The following CFAP251 variants were observed in gnomAD, a reference collection of about 807,000 sequenced individuals.
The protein encoded by CFAP251 is cilia and flagella associated protein 251.
A neutral mutation model predicts 126.7 loss-of-function variants in CFAP251; 93 were observed. The ratio of observed to expected loss-of-function variants is 0.73; its 90% confidence interval spans 0.62 to 0.87. The LOEUF (loss-of-function observed/expected upper bound fraction) is 0.87, where lower values mean the gene tolerates loss of function less well. Among genes scored for constraint, CFAP251 ranks in the 40% least tolerant of loss-of-function variants. The probability of loss-of-function intolerance (pLI) is 0.00; values close to 1 mark genes in which losing one functional copy is unlikely to be tolerated. For synonymous variants in CFAP251, 503 were observed against 506.9 expected (o/e 0.99, Z 0.10); for missense variants, 1,287 against 1,389.2 (o/e 0.93, Z 1.17).
Position 121,974,385 on chromosome 12 carries a change from T to C in CFAP251, c.2772-859T>C, listed in dbSNP as rs1882406707. On this transcript the variant is annotated intron_variant, in intron 17 of 21. Transcript: ENST00000288912. The surrounding 1 kb of genome is among the most constrained non-coding windows in gnomAD (Gnocchi z 4.6). ...CGTGTCTGCGTTTATTTATTAATTC[T>C]TACAACAATGCTGTGAGGCAGAATC... 6.6e-6 allele frequency among the ~76,000 whole-genome samples: 1 copy of C among 152,232 alleles called. No individual in the cohort carries two copies. Among genetic ancestry groups the C allele is most frequent in the South Asian group, 2.1e-4 (1 of 4,828 alleles).
rs1486137401 is a variant in CFAP251 at position 121,967,010 on chromosome 12, C to G, written c.2548C>G (p.Pro850Ala). 2 of 1,614,078 alleles carry G rather than the reference C, an allele frequency of 1.2e-6. No homozygotes were observed. The highest frequency in any genetic ancestry group is 1.7e-6 in the Non-Finnish European group (2 of 1,180,042). ...CCCTATTGAGCAGACACAAGTCCTCCCAGTGAGAAGCATGGCGGAGCTACA... is the reference window on the plus strand; with the variant it reads ...CCCTATTGAGCAGACACAAGTCCTCGCAGTGAGAAGCATGGCGGAGCTACA... The part of the protein sequence containing the change: ...GSPIEQTQVL[P>A]VRSMAELQKR... The change falls in exon 16 of 22, where the codon CCA becomes GCA. Residue 850 changes from proline (P) to alanine (A), a missense_variant. Pro to Ala is a conservative substitution (Grantham distance 27). Transcript: ENST00000288912.
intron 7 of CFAP251, chr12:121,948,558 A>G (rs1297704209): frequency 6.5e-6 from 1 of 154,896 alleles, no homozygotes. Context: ...CATCTCTACT[A>G]AAAATATAAA....
chr12:121,961,940 C>T, intron 14 of CFAP251, 38 bp from the exon 15 acceptor site: 1 of 1,586,818 alleles, frequency 6.3e-7, no homozygotes, highest in Non-Finnish European at 8.6e-7. Flanking sequence ...TTTAATTTGG[C>T]TTGGTCCTCA....
At chr12:121,939,486 G>A (rs551884399) in intron 5 of CFAP251, among the ~76,000 whole-genome samples, 1 of 152,146 alleles carries the variant, frequency 6.6e-6, no homozygotes, top group Non-Finnish European at 1.5e-5. Flanking sequence ...AGCCTTTGCT[G>A]ACCAACACCT....
In CFAP251 at chr12:121,958,988, T is replaced by C; in HGVS notation, c.2027T>C (p.Leu676Pro). The C allele has an allele frequency of 1.9e-6, 3 of 1,611,582 alleles. No homozygotes were observed. The highest frequency in any genetic ancestry group is 2.5e-6 in the Non-Finnish European group (3 of 1,179,314). ...TTTACAGAGGGGACAGTTTACATTC[T>C]TGATGCAATGTCTTTAGAAAATGAA... ...AGFTEGTVYI[L>P]DAMSLENESP... Residue 676 changes from leucine to proline, a missense_variant, in exon 13 of 22, where the codon CTT becomes CCT. Transcript: ENST00000288912.
At chr12:121,946,809 G>A (rs1361661702) in intron 7 of CFAP251, among the ~76,000 whole-genome samples, 1 of 151,820 alleles carries the variant, frequency 6.6e-6, no homozygotes, top group Non-Finnish European at 1.5e-5. Flanking sequence ...AAACTCCTGG[G>A]TTCAAGTGAC....
At chr12:121,942,686 C>T (rs1216784849) in intron 6 of CFAP251, 41 bp downstream of exon 6, 1 of 1,512,448 alleles carries the variant, frequency 6.6e-7, no homozygotes, top group South Asian at 1.2e-5. Context: ...AGCGAGCTGG[C>T]CGACCTGTGC....
intron 19 of CFAP251, among the ~76,000 whole-genome samples, chr12:121,977,173 A>G (rs1267677123): frequency 6.6e-6 from 1 of 152,190 alleles, no homozygotes. Context: ...ATAAACCTGA[A>G]CAGCATGCGG....
At position 121,975,525 on chromosome 12, in the gene CFAP251, G is replaced by T; in HGVS notation, c.2863-17G>T. ...AAGCCTAAATGTGTGTTGTGTTTCC[G>T]TTGTATTCCTACATAGGAGCTAGAA... On this transcript the variant is annotated splice_polypyrimidine_tract_variant and intron_variant, in intron 18 of 21. Transcript: ENST00000288912. 6.2e-7 allele frequency: 1 copy of T among 1,606,962 alleles called. No homozygotes were observed. The highest frequency in any genetic ancestry group is 8.5e-7 in the Non-Finnish European group (1 of 1,178,128).
chr12:122,000,402 A>G (rs930475263), intron 20 of CFAP251, among the ~76,000 whole-genome samples: 20 of 151,818 alleles, frequency 1.3e-4, no homozygotes, highest in Admixed American at 1.3e-3. Context: ...AAATACAAAA[A>G]TTAGCCGGGT....
chr12:121,931,867 ACAAT>A lies in CFAP251; in HGVS notation c.874_877del (p.Gln292ThrfsTer33). On this transcript the variant is annotated frameshift_variant, in exon 4 of 22. Transcript: ENST00000288912. LOFTEE classifies it high-confidence loss of function. Reference sequence around the variant, plus strand: ...GCGATCATCTACAACGTGTTCAGGAACAATCAATACCACCTTCAGGTATGCAGGG... The same window carrying A: ...GCGATCATCTACAACGTGTTCAGGAACAATACCACCTTCAGGTATGCAGGG... The A allele has an allele frequency of 6.3e-7, 1 of 1,578,644 alleles. No homozygotes were observed. Among genetic ancestry groups the A allele is most frequent in the Non-Finnish European group, 8.6e-7 (1 of 1,164,438 alleles).
chr12:121,979,563 C>CTTT lies in CFAP251; in HGVS notation c.3006+3895_3006+3897dup, dbSNP rs71082922. ...GAGATCATTAGTCAGCTTTCTTCTT[C>CTTT]TTTTTTTTTTTTTTTTTTTGAGACA... On this transcript the variant is annotated intron_variant, in intron 19 of 21. Transcript: ENST00000288912. 7.8e-4 allele frequency among the ~76,000 whole-genome samples: 66 copies of CTTT among 84,986 alleles called. 3 individuals carry two copies. Among genetic ancestry groups the CTTT allele is most frequent in the African/African-American group, 2.6e-3 (61 of 23,906 alleles). 55.8% of individuals were successfully genotyped at this position (84,986 alleles called of 152,430 possible). A position where few individuals can be genotyped will look rare whatever the true frequency, so the allele number is the denominator to read the frequency against.
chr12:122,001,660 G>T (rs887566587), intron 21 of CFAP251, 62 bp downstream of exon 21: 1 of 1,312,996 alleles, frequency 7.6e-7, no homozygotes. Flanking sequence ...GTAGACTTCA[G>T]TACATTTATT....
At chr12:121,927,207 G>A (rs1013786332) in intron 3 of CFAP251, among the ~76,000 whole-genome samples, 2 of 147,468 alleles carry the variant, frequency 1.4e-5, no homozygotes, top group African/African-American at 2.5e-5. Context: ...TTTTTTTACC[G>A]GTGAGATAAT....
intron 17 of CFAP251, chr12:121,969,537 G>C (rs1420311655): frequency 1.0e-6 from 1 of 962,452 alleles, no homozygotes; most frequent in Non-Finnish European, 1.2e-6. Flanking sequence ...TCAGGCTGTA[G>C]TACAGAGGTG....
At chr12:121,967,856 C>T in intron 16 of CFAP251, 150 bp from the exon 17 acceptor site, 1 of 699,162 alleles carries the variant, frequency 1.4e-6, no homozygotes, top group Non-Finnish European at 2.3e-6. Context: ...GGATGCCCAG[C>T]TACATTAAAT....
chr12:121,979,907 G>A (rs1593000652), intron 19 of CFAP251, among the ~76,000 whole-genome samples: 2 of 152,146 alleles, frequency 1.3e-5, no homozygotes, highest in Non-Finnish European at 2.9e-5. Flanking sequence ...AACCTAAGTC[G>A]ACCCATTTTC....
intron 5 of CFAP251, among the ~76,000 whole-genome samples, chr12:121,940,936 T>C (rs1881087245): frequency 6.6e-6 from 1 of 152,208 alleles, no homozygotes; most frequent in South Asian, 2.1e-4. Context: ...TGTTTTGCAG[T>C]GTGCTTTTTT....
intron 19 of CFAP251, among the ~76,000 whole-genome samples, chr12:121,986,220 C>T (rs554823363): frequency 2.0e-5 from 3 of 151,840 alleles, no homozygotes; most frequent in East Asian, 3.9e-4. Context: ...TCGAACTCCT[C>T]ACCTCAGATG....
Sources: gnomAD v4.1 joint callset for allele counts (sites outside exome capture counted in the v4.1 genomes callset) on GRCh38, gnomAD v4.1.1 for gene constraint, Gnocchi (gnomAD v3.1) non-coding constraint, MANE v1.5 for transcripts, NCBI Gene and HGNC (gene_info 2026-07-23, HGNC 2026-07-21) for gene names.